The following MORF4L1 variants were observed in gnomAD, a reference collection of about 807,000 sequenced individuals.
MORF4L1 encodes the protein mortality factor 4-like protein 1.
A neutral mutation model predicts 52.9 loss-of-function variants in MORF4L1; 4 were observed. That is an observed-to-expected ratio of 0.08 (90% CI 0.04 to 0.17). MORF4L1 has a LOEUF of 0.17. Ranked by LOEUF, MORF4L1 falls within the 10% of genes least tolerant of loss-of-function variation. The probability of loss-of-function intolerance (pLI) is 1.00; values close to 1 mark genes in which losing one functional copy is unlikely to be tolerated. For missense variants in MORF4L1, 214 were observed against 390.4 expected (o/e 0.55, Z 3.81); for synonymous variants, 123 against 134.8 (o/e 0.91, Z 0.61).
At chr15:78,893,424 T>TTTCCTAA in intron 8 of MORF4L1, 115 bp from the exon 9 acceptor site, 1 of 706,010 alleles carries the variant, frequency 1.4e-6, no homozygotes, top group African/African-American at 1.8e-5. Flanking sequence ...GAATAGTATC[T>TTTCCTAA]TTCCTAATTT....
At chr15:78,889,197 A>G (rs578216026) in intron 5 of MORF4L1, among the ~76,000 whole-genome samples, 1 of 152,350 alleles carries the variant, frequency 6.6e-6, no homozygotes, top group East Asian at 1.9e-4. Flanking sequence ...AGCCTCTTCA[A>G]ACTGGCTTCT....
At position 78,887,276 on chromosome 15, in the gene MORF4L1, T is replaced by G; in HGVS notation, c.250T>G (p.Tyr84Asp). The G allele has an allele frequency of 6.2e-7, 1 of 1,607,460 alleles. No individual in the cohort carries two copies. Among genetic ancestry groups the G allele is most frequent in the Non-Finnish European group, 8.5e-7 (1 of 1,178,710 alleles). The stretch of plus-strand genomic sequence containing the variant: ...CTGAAATTATTTTTGAAGGGAGCAG[T>G]ATGCAGAGGGGAAGATGAGAGGGGC... ...RELQKANQEQ[Y>D]AEGKMRGAAP... The change falls in exon 5 of 12, where the codon TAT (tyrosine) becomes GAT (aspartate). Residue 84 changes from tyrosine (Y) to aspartate (D), a missense_variant. This residue lies in a region of MORF4L1 where 84 missense variants were observed against 116.3 expected (regional missense o/e 0.72). Coordinates refer to ENST00000426013, the MANE Select transcript of MORF4L1 (RefSeq NM_006791.4).
chr15:78,888,916 A>G (rs914477695), intron 5 of MORF4L1, among the ~76,000 whole-genome samples: 6 of 151,172 alleles, frequency 4.0e-5, no homozygotes, highest in African/African-American at 1.4e-4. Context: ...GGAAAACTGT[A>G]GTGTAGTATT....
chr15:78,876,724 G>T, intron 1 of MORF4L1: 1 of 341,812 alleles, frequency 2.9e-6, no homozygotes, highest in East Asian at 7.5e-5. Context: ...CGTTGGAGAA[G>T]TCTTTGATCT....
chr15:78,874,174 CTT>C (rs1267994352), intron 1 of MORF4L1, among the ~76,000 whole-genome samples: 3 of 152,180 alleles, frequency 2.0e-5, no homozygotes, highest in Non-Finnish European at 4.4e-5. Flanking sequence ...AGGAGGAACA[CTT>C]TAACATTCCT....
chr15:78,874,762 A>G (rs2056450753), intron 1 of MORF4L1, among the ~76,000 whole-genome samples: 1 of 138,752 alleles, frequency 7.2e-6, no homozygotes, highest in Admixed American at 7.2e-5. Flanking sequence ...TCTCACCTTG[A>G]GAAGCTGTTG....
intron 7 of MORF4L1, 146 bp from the exon 8 acceptor site, chr15:78,892,066 A>T: frequency 8.5e-4 from 408 of 480,744 alleles, no homozygotes; most frequent in Middle Eastern, 1.2e-3. Flanking sequence ...GGTCGTTTTT[A>T]TTAATGATTT....
chr15:78,887,543 TC>T, intron 5 of MORF4L1, 194 bp downstream of exon 5: 1 of 456,184 alleles, frequency 2.2e-6, no homozygotes, highest in South Asian at 4.2e-5. Flanking sequence ...AGGTTCCCCC[TC>T]CCTTTAACTT....
intron 1 of MORF4L1, among the ~76,000 whole-genome samples, chr15:78,875,785 C>CA (rs10592452): frequency 8.3e-4 from 123 of 148,324 alleles, no homozygotes; most frequent in African/African-American, 3.0e-3. Context: ...GACTCCATTT[C>CA]AAAAAAAAAA....
Position 78,872,927 on chromosome 15 carries a change from G to C in MORF4L1, c.-91G>C, listed in dbSNP as rs370447340. 3.0e-5 allele frequency: 45 copies of C among 1,510,364 alleles called. No homozygotes were observed. Among genetic ancestry groups the C allele is most frequent in the Non-Finnish European group, 3.8e-5 (43 of 1,130,232 alleles). The allele number at this position is 1,510,364 out of a possible 1,614,324, so 93.6% of individuals were successfully genotyped here. A position where few individuals can be genotyped will look rare whatever the true frequency, so the allele number is the denominator to read the frequency against. On this transcript the variant is annotated 5_prime_UTR_variant, in exon 1 of 12. Coordinates refer to ENST00000426013, the MANE Select transcript of MORF4L1 (RefSeq NM_006791.4). ...GGATGTAGAGCTGGCAGTGCCTGAC[G>C]GCGCGTCTGACGCGGAGTTGGGTGG...
At position 78,897,075 on chromosome 15, in the gene MORF4L1, TCTCA is replaced by T; in HGVS notation, c.*15_*18del. 2 of 1,602,442 alleles carry T rather than the reference TCTCA, an allele frequency of 1.2e-6. No individual in the cohort carries two copies. The highest frequency in any genetic ancestry group is 1.1e-5 in the South Asian group (1 of 90,774). On this transcript the variant is annotated 3_prime_UTR_variant, in exon 12 of 12. Coordinates refer to ENST00000426013, the MANE Select transcript of MORF4L1 (RefSeq NM_006791.4). ...CATCGGAAAGCTGTGTGAGAGGCAC[TCTCA>T]CTCACTTATGTTTGGATCTCCGTAA...
intron 5 of MORF4L1, among the ~76,000 whole-genome samples, chr15:78,888,262 T>A (rs148358864): frequency 1.1e-3 from 165 of 152,074 alleles, no homozygotes; most frequent in African/African-American, 3.8e-3. Flanking sequence ...CCCAGGAGTT[T>A]GAGACCAACT....
At chr15:78,891,232 T>C (rs2056796482) in intron 6 of MORF4L1, 3 of 675,966 alleles carry the variant, frequency 4.4e-6, no homozygotes, top group Admixed American at 3.0e-5. Context: ...TTAGTCTTAA[T>C]GTCTCCCACT....
chr15:78,891,320 C>A (rs2141481057), intron 6 of MORF4L1, 164 bp from the exon 7 acceptor site: 2 of 661,838 alleles, frequency 3.0e-6, no homozygotes, highest in Middle Eastern at 8.3e-4. Context: ...TAGAGCTCTT[C>A]ATGAAAGTTG....
chr15:78,889,455 A>G (rs991897137), intron 5 of MORF4L1, among the ~76,000 whole-genome samples: 1 of 152,162 alleles, frequency 6.6e-6, no homozygotes, highest in South Asian at 2.1e-4. Context: ...GAAAATTGGG[A>G]TTTTTGGAGC....
intron 1 of MORF4L1, among the ~76,000 whole-genome samples, chr15:78,876,828 G>A (rs997143969): frequency 6.6e-6 from 1 of 152,172 alleles, no homozygotes. Context: ...CCACTTAAAA[G>A]AATTATAGAA....
chr15:78,876,557 C>T, intron 1 of MORF4L1: 2 of 455,682 alleles, frequency 4.4e-6, no homozygotes, highest in South Asian at 3.1e-5. Context: ...ACTTTTTTTT[C>T]CGGCAGTAGC....
chr15:78,885,229 G>A (rs2036935862), intron 3 of MORF4L1: 1 of 561,808 alleles, frequency 1.8e-6, no homozygotes, highest in African/African-American at 1.9e-5. Context: ...GTAATTGGGT[G>A]CCTTGAGAGT....
rs191088387 is a variant in MORF4L1, at chr15:78,875,855, G to T, written c.41-2358G>T. On this transcript the variant is annotated intron_variant, in intron 1 of 11. Coordinates refer to ENST00000426013, the MANE Select transcript of MORF4L1 (RefSeq NM_006791.4). ...GCAAGGGAAAAAGAATATTTGATGAGTGCTAACAGAATCGTCTTGAAACAC... is the reference window on the plus strand; with the variant it reads ...GCAAGGGAAAAAGAATATTTGATGATTGCTAACAGAATCGTCTTGAAACAC... 9.0e-4 allele frequency among the ~76,000 whole-genome samples: 137 copies of T among 152,246 alleles called. 1 individual carries two copies. Among genetic ancestry groups the T allele is most frequent in the African/African-American group, 3.2e-3 (135 of 41,560 alleles).
Sources: gnomAD v4.1 joint callset for allele counts (sites outside exome capture counted in the v4.1 genomes callset) on GRCh38, gnomAD v4.1.1 for gene constraint, gnomAD v4.1.1 regional missense constraint, MANE v1.5 for transcripts, NCBI Gene and HGNC (gene_info 2026-07-23, HGNC 2026-07-21) for gene names.